The following CIITA variants were observed in gnomAD, a reference collection of about 807,000 sequenced individuals.
CIITA encodes MHC class II transactivator.
In CIITA, 72 loss-of-function variants were observed where a neutral mutation model predicts 115.1. The observed-to-expected ratio is 0.63, with a 90% CI of 0.52 to 0.76. The LOEUF (loss-of-function observed/expected upper bound fraction) is 0.76. Ranked by LOEUF, CIITA falls within the 30% of genes least tolerant of loss-of-function variation. The pLI is 0.00. For synonymous variants in CIITA, 763 were observed against 635.6 expected (o/e 1.20, Z -3.02); for missense variants, 1,617 against 1,463.8 (o/e 1.10, Z -1.71).
At chr16:10,886,562 C>T (rs1390720595) in intron 1 of CIITA, among the ~76,000 whole-genome samples, 2 of 152,202 alleles carry the variant, frequency 1.3e-5, no homozygotes, top group African/African-American at 4.8e-5. Flanking sequence ...CCAGGTCGTT[C>T]TCCAGAGCGG....
intron 16 of CIITA, among the ~76,000 whole-genome samples, chr16:10,919,854 G>C (rs1189007874): frequency 1.3e-5 from 2 of 152,126 alleles, no homozygotes; most frequent in African/African-American, 4.8e-5. Flanking sequence ...TGCGTAGTAG[G>C]AATTAGGCAC....
chr16:10,906,824 G>C lies in CIITA; in HGVS notation c.1332G>C (p.Gln444His). The change falls in exon 11 of 20, where the codon CAG (glutamine) becomes CAC (histidine). Residue 444 changes from glutamine (Q) to histidine (H), a missense_variant. By Grantham distance (24) the Gln-to-His change is conservative. Transcript: ENST00000324288. ...SRAWACGRLPQYDFVFSVPCH... is the reference protein window; with the variant it reads ...SRAWACGRLPHYDFVFSVPCH... ...CCTGGGCTTGTGGCCGGCTTCCCCA[G>C]TACGACTTTGTCTTCTCTGTCCCCT... 1.2e-6 allele frequency: 2 copies of C among 1,612,974 alleles called. No individual in the cohort carries two copies. The highest frequency in any genetic ancestry group is 2.2e-5 in the East Asian group (1 of 44,884).
intron 12 of CIITA, 38 bp downstream of exon 12, chr16:10,909,225 G>C: frequency 6.2e-7 from 1 of 1,607,324 alleles, no homozygotes; most frequent in Non-Finnish European, 8.5e-7. Flanking sequence ...TTCACGCCAT[G>C]CAGGTTGAGG....
At chr16:10,911,817 C>T (rs1428952830) in intron 13 of CIITA, among the ~76,000 whole-genome samples, 1 of 152,146 alleles carries the variant, frequency 6.6e-6, no homozygotes, top group African/African-American at 2.4e-5. Flanking sequence ...TCCCAAAGTG[C>T]TAGGATTACA....
chr16:10,920,407 C>T lies in CIITA; in HGVS notation c.3150-1760C>T, dbSNP rs1292130147. 1.3e-5 allele frequency among the ~76,000 whole-genome samples: 2 copies of T among 152,154 alleles called. No individual in the cohort carries two copies. The highest frequency in any genetic ancestry group is 2.9e-5 in the Non-Finnish European group (2 of 68,018). The stretch of plus-strand genomic sequence containing the variant: ...GGATTACAGATGCCCGCCACCACAC[C>T]AGGCTATTTTTGTGTTTTCAGTAGA... On this transcript the variant is annotated intron_variant, in intron 16 of 19. Coordinates refer to ENST00000324288, the MANE Select transcript of CIITA (RefSeq NM_000246.4). This position sits in a 1 kb window ranked among gnomAD's most constrained non-coding sequence, Gnocchi z 4.5.
intron 15 of CIITA, chr16:10,916,680 C>T (rs1873805138): frequency 1.2e-5 from 7 of 576,096 alleles, no homozygotes; most frequent in Middle Eastern, 4.6e-4. Context: ...TGTGACTTAC[C>T]ATGCCCAGCC....
At chr16:10,871,195 G>A (rs909980467) in intron 1 of CIITA, among the ~76,000 whole-genome samples, 34 of 152,222 alleles carry the variant, frequency 2.2e-4, no homozygotes, top group African/African-American at 8.0e-4. Context: ...TAAGGGCTCA[G>A]GGACACCATT....
intron 1 of CIITA, among the ~76,000 whole-genome samples, chr16:10,885,894 G>C (rs1423391252): frequency 1.3e-5 from 2 of 151,996 alleles, no homozygotes; most frequent in Non-Finnish European, 2.9e-5. Context: ...TTAAACCTTC[G>C]ATTAACTGCC....
rs1443409516 is a variant in CIITA at position 10,923,617 on chromosome 16, G to A, written c.*23-261G>A. Among the ~76,000 whole-genome samples, 4 of 152,150 alleles carry A rather than the reference G, an allele frequency of 2.6e-5. No homozygotes were observed. The highest frequency in any genetic ancestry group is 9.7e-5 in the African/African-American group (4 of 41,422). ...GAAGAGCTTCCTTTGGGGACTCCAA[G>A]CCTTCCCAGCTGCTGTTTCGGCTTG... On this transcript the variant is annotated intron_variant, in intron 19 of 19. Transcript: ENST00000324288. This position sits in a 1 kb window ranked among gnomAD's most constrained non-coding sequence, Gnocchi z 5.2.
chr16:10,873,914 G>A (rs992340120), upstream of CIITA, among the ~76,000 whole-genome samples: 5 of 152,126 alleles, frequency 3.3e-5, no homozygotes, highest in Non-Finnish European at 7.3e-5. Flanking sequence ...ACCTGGGCTC[G>A]GGGAATCCTC....
At chr16:10,906,029 A>C (rs2039124541) in intron 10 of CIITA, among the ~76,000 whole-genome samples, 1 of 152,032 alleles carries the variant, frequency 6.6e-6, no homozygotes, top group Non-Finnish European at 1.5e-5. Context: ...TCCACAAAAA[A>C]ACAAAAAAGA....
In CIITA at chr16:10,925,885, A is replaced by C. The variant is rs1328554413; in HGVS notation, c.*2030A>C. ...GGGAATGTTTGCCTCTGCCTCTGAC[A>C]CACAGCTCTGTCCTGGGAGTGAGCT... On this transcript the variant is annotated 3_prime_UTR_variant, in exon 20 of 20. Coordinates refer to ENST00000324288, the MANE Select transcript of CIITA (RefSeq NM_000246.4). The C allele has an allele frequency of 6.6e-6, 1 of 152,230 alleles. No homozygotes were observed. Among genetic ancestry groups the C allele is most frequent in the African/African-American group, 2.4e-5 (1 of 41,466 alleles). 9.4% of individuals were successfully genotyped at this position (152,230 alleles called of 1,614,324 possible). A position where few individuals can be genotyped will look rare whatever the true frequency, so the allele number is the denominator to read the frequency against.
intron 1 of CIITA, 151 bp from the exon 2 acceptor site, chr16:10,895,131 C>A: frequency 1.2e-6 from 1 of 839,246 alleles, no homozygotes; most frequent in Non-Finnish European, 1.9e-6. Flanking sequence ...TTGCTCTCTC[C>A]ACCACGCTGA....
At chr16:10,886,577 A>G (rs937083443) in intron 1 of CIITA, among the ~76,000 whole-genome samples, 1 of 152,204 alleles carries the variant, frequency 6.6e-6, no homozygotes, top group African/African-American at 2.4e-5. Flanking sequence ...GAGCGGCCCC[A>G]TCCATCTACA....
intron 1 of CIITA, among the ~76,000 whole-genome samples, chr16:10,894,953 G>C (rs982412436): frequency 6.6e-6 from 1 of 152,196 alleles, no homozygotes; most frequent in African/African-American, 2.4e-5. Flanking sequence ...CGTATAGGAG[G>C]TGCTTTATAA....
chr16:10,904,965 G>C (rs1417580897), intron 10 of CIITA, among the ~76,000 whole-genome samples, 153 bp downstream of exon 10: 1 of 152,092 alleles, frequency 6.6e-6, no homozygotes, highest in Admixed American at 6.6e-5. Flanking sequence ...TCACTTATTT[G>C]ATTATGCCAT....
intron 1 of CIITA, among the ~76,000 whole-genome samples, chr16:10,882,594 A>T (rs1351036930): frequency 6.6e-6 from 1 of 151,964 alleles, no homozygotes; most frequent in Non-Finnish European, 1.5e-5. Flanking sequence ...ATAAAAATAA[A>T]TTTTTGAAAA....
intron 16 of CIITA, 61 bp downstream of exon 16, chr16:10,918,587 C>A: frequency 1.4e-6 from 2 of 1,455,982 alleles, no homozygotes; most frequent in South Asian, 1.1e-5. Context: ...GCGCAGGGAA[C>A]CCACATCGTG....
In CIITA at chr16:10,935,010, C is replaced by CT. The variant is rs1359215246; in HGVS notation, c.*11156dup. 4 of 152,300 alleles carry CT rather than the reference C, an allele frequency of 2.6e-5. No individual in the cohort carries two copies. Among genetic ancestry groups the CT allele is most frequent in the Middle Eastern group, 6.3e-3 (2 of 316 alleles). The allele number at this position is 152,300 out of a possible 1,614,324, so 9.4% of individuals were successfully genotyped here. ...TTCAGGGTCTGACACGCCATTGACA[C>CT]TGACCACGTCATTCATTAAGCAAGC... On this transcript the variant is annotated 3_prime_UTR_variant, in exon 20 of 20. Transcript: ENST00000324288.
Sources: allele counts gnomAD v4.1 joint callset (sites outside exome capture counted in the v4.1 genomes callset), GRCh38; gene constraint gnomAD v4.1.1; non-coding constraint Gnocchi (gnomAD v3.1); transcripts MANE v1.5; gene names NCBI Gene and HGNC (gene_info 2026-07-23, HGNC 2026-07-21).